The following ADGRA2 variants were observed in gnomAD, a reference collection of about 807,000 sequenced individuals.
ADGRA2 encodes the protein adhesion G protein-coupled receptor A2.
A neutral mutation model predicts 98.7 loss-of-function variants in ADGRA2; 61 were observed. The ratio of observed to expected loss-of-function variants is 0.62; its 90% CI spans 0.50 to 0.76. ADGRA2 has a LOEUF of 0.76. Among genes scored for constraint, ADGRA2 ranks in the 30% least tolerant of loss-of-function variants. The pLI is 0.00. For synonymous variants in ADGRA2, 858 were observed against 831.5 expected, an observed-to-expected ratio of 1.03 and a Z score of -0.55; for missense variants, 1,712 against 1,860.0, an observed-to-expected ratio of 0.92 and a Z score of 1.46.
intron 2 of ADGRA2, among the ~76,000 whole-genome samples, chr8:37,827,759 C>A (rs751617348): frequency 6.6e-6 from 1 of 152,224 alleles, no homozygotes; most frequent in Non-Finnish European, 1.5e-5. Flanking sequence ...CAGGCAGAGT[C>A]CACCTGGGCC....
intron 16 of ADGRA2, 83 bp from the exon 17 acceptor site, chr8:37,840,037 TG>T: frequency 7.6e-7 from 1 of 1,310,648 alleles, no homozygotes; most frequent in Non-Finnish European, 1.0e-6. Context: ...GCTGGAAGCC[TG>T]GGAGGACACC....
Position 37,822,415 on chromosome 8 carries a change from AT to A in ADGRA2, c.339-6472del, listed in dbSNP as rs1563344169. Among the ~76,000 whole-genome samples, 408 of 146,934 alleles carry A rather than the reference AT, an allele frequency of 2.8e-3. 1 individual carries two copies. The highest frequency in any genetic ancestry group is 0.01 in the African/African-American group (390 of 37,184). ...CACACACACACACACACACAGTCACATGCTCTTTAACTCACATGCTCTTTAA... is the reference window on the plus strand; with the variant it reads ...CACACACACACACACACACAGTCACAGCTCTTTAACTCACATGCTCTTTAA... On this transcript the variant is annotated intron_variant, in intron 2 of 18. Coordinates refer to ENST00000412232, the MANE Select transcript of ADGRA2 (RefSeq NM_032777.10).
intron 2 of ADGRA2, among the ~76,000 whole-genome samples, chr8:37,825,389 G>A (rs987748031): frequency 1.3e-5 from 2 of 151,114 alleles, no homozygotes; most frequent in East Asian, 1.9e-4. Context: ...AATTACAGGC[G>A]CCCACCCCCA....
rs754254770 is a variant in ADGRA2, at chr8:37,829,944, G to A, written c.648G>A (p.Thr216=). 5.6e-6 allele frequency: 9 copies of A among 1,610,680 alleles called. No individual in the cohort carries two copies. The highest frequency in any genetic ancestry group is 4.4e-5 in the South Asian group (4 of 91,024). Residue 216 remains threonine, a synonymous_variant, in exon 6 of 19, where the codon ACG becomes ACA. Coordinates refer to ENST00000412232, the MANE Select transcript of ADGRA2 (RefSeq NM_032777.10). ...QNRSLQLSEH[T]LCAYPSALHA... is the part of the protein sequence containing the mutation. Reference sequence around the variant, plus strand: ...GCTCCCTGCAGCTGTCGGAACACACGCTCTGTGCTTACCCCAGTGCCCTGC... The same window carrying A: ...GCTCCCTGCAGCTGTCGGAACACACACTCTGTGCTTACCCCAGTGCCCTGC...
chr8:37,816,963 CACACACACACACAT>C (rs1033262643), intron 2 of ADGRA2, among the ~76,000 whole-genome samples: 2 of 129,240 alleles, frequency 1.5e-5, no homozygotes, highest in African/African-American at 5.9e-5. Flanking sequence ...CACACACACA[CACACACACACACAT>C]AGATTAGGGC....
intron 13 of ADGRA2, among the ~76,000 whole-genome samples, chr8:37,837,034 G>A (rs191617086): frequency 7.9e-5 from 12 of 152,300 alleles, no homozygotes; most frequent in South Asian, 2.1e-4. Context: ...TGGACAAGTC[G>A]TTGTAAGTGC....
rs778571229 is a variant in ADGRA2 at position 37,840,772 on chromosome 8, C to T, written c.2670C>T (p.Ile890=). The change falls in exon 18 of 19, where the codon ATC becomes ATT. Residue 890 remains isoleucine (I), a synonymous_variant. Coordinates refer to ENST00000412232, the MANE Select transcript of ADGRA2 (RefSeq NM_032777.10). ...TCATTCCCTCCAGGTTCTATTTGAT[C>T]GCTGGAGGGATTCCACTCATTATCT... ...TPSPMLRFYL[I]AGGIPLIICG... 1.7e-5 allele frequency: 27 copies of T among 1,592,036 alleles called. No homozygotes were observed. The East Asian group carries it at 3.8e-4, about 22-fold the overall frequency.
Position 37,830,610 on chromosome 8 carries a change from G to GGCCCC in ADGRA2, c.719-100_719-99insGCCCC. The GGCCCC allele has an allele frequency of 3.4e-6, 2 of 579,886 alleles. No individual in the cohort carries two copies. The highest frequency in any genetic ancestry group is 6.3e-6 in the Non-Finnish European group (2 of 315,942). The allele number at this position is 579,886 out of a possible 1,614,324, so 35.9% of individuals were successfully genotyped here. A position where few individuals can be genotyped will look rare whatever the true frequency, so the allele number is the denominator to read the frequency against. On this transcript the variant is annotated intron_variant, in intron 6 of 18. Coordinates refer to ENST00000412232, the MANE Select transcript of ADGRA2 (RefSeq NM_032777.10). This position sits in a 1 kb window ranked among gnomAD's most constrained non-coding sequence, Gnocchi z 4.8. ...AGCTGGAGCAGGCTGCAGGCCGAGG[G>GGCCCC]CCCCGCCCCGCCCCACCCCATCCTG... is the stretch of plus-strand genomic sequence containing the variant.
At position 37,844,627 on chromosome 8, in the gene ADGRA2, C is replaced by T. The variant is rs905173616; in HGVS notation, c.*2272C>T. 1.9e-6 allele frequency: 3 copies of T among 1,614,002 alleles called. No homozygotes were observed. In the African/African-American group the frequency reaches 4.0e-5, roughly 22 times the overall value. On this transcript the variant is annotated 3_prime_UTR_variant, in exon 19 of 19. Transcript: ENST00000412232. ...TTCTCATCTCCAGTGACAGTGGAGA[C>T]AGGGGGTACAGGGCAGATCCGCTTC...
Position 37,841,803 on chromosome 8 carries a change from G to A in ADGRA2, c.3465G>A (p.Gly1155=). 1 of 1,531,704 alleles carries A rather than the reference G, an allele frequency of 6.5e-7. No homozygotes were observed. Among genetic ancestry groups the A allele is most frequent in the South Asian group, 1.2e-5 (1 of 83,562 alleles). The allele number at this position is 1,531,704 out of a possible 1,614,324, so 94.9% of individuals were successfully genotyped here. Residue 1155 remains glycine (G), a synonymous_variant, in exon 19 of 19, where the codon GGG becomes GGA. Transcript: ENST00000412232. The surrounding 1 kb of genome is among the most constrained non-coding windows in gnomAD (Gnocchi z 5.0). ...GCGAGGCGGGGGCGGCGGCCGGCGG[G>A]GAAGGAGAGCCGGAGCCGGCGGGCA... ...QVCEAGAAAG[G]EGEPEPAGTR...
At position 37,834,439 on chromosome 8, in the gene ADGRA2, G is replaced by T. The variant is rs927363038; in HGVS notation, c.1608+311G>T. On this transcript the variant is annotated intron_variant, in intron 11 of 18. Transcript: ENST00000412232. This position sits in a 1 kb window ranked among gnomAD's most constrained non-coding sequence, Gnocchi z 4.2. ...TGGTGGCAGGGCAGACAGCACTCGG[G>T]ATTGAGTGAAGAGTAATGGAAGTTC... Among the ~76,000 whole-genome samples the T allele has an allele frequency of 6.6e-6, 1 of 152,240 alleles. No individual in the cohort carries two copies. Among genetic ancestry groups the T allele is most frequent in the Non-Finnish European group, 1.5e-5 (1 of 68,046 alleles).
At chr8:37,839,903 G>C (rs1563354000) in intron 16 of ADGRA2, among the ~76,000 whole-genome samples, 1 of 152,160 alleles carries the variant, frequency 6.6e-6, no homozygotes, top group African/African-American at 2.4e-5. Flanking sequence ...GCCATATCAG[G>C]GTCATGGGAA....
chr8:37,840,327 C>T, intron 17 of ADGRA2, 61 bp downstream of exon 17: 2 of 1,569,526 alleles, frequency 1.3e-6, no homozygotes, highest in Non-Finnish European at 1.7e-6. Context: ...GCGTAGGAAA[C>T]CTCCCAAGGT....
rs1804527804 is a variant in ADGRA2 at position 37,802,169 on chromosome 8, T to C, written c.266+4635T>C. On this transcript the variant is annotated intron_variant, in intron 1 of 18. Coordinates refer to ENST00000412232, the MANE Select transcript of ADGRA2 (RefSeq NM_032777.10). This position sits in a 1 kb window ranked among gnomAD's most constrained non-coding sequence, Gnocchi z 4.7. ...TGGTTCTTGAGCACAGGTCTCCCTC[T>C]GGACCTCCAGCTGCTGGCTGGGACT... 6.6e-6 allele frequency among the ~76,000 whole-genome samples: 1 copy of C among 152,218 alleles called. No homozygotes were observed. The highest frequency in any genetic ancestry group is 6.5e-5 in the Admixed American group (1 of 15,286).
At position 37,839,026 on chromosome 8, in the gene ADGRA2, C is replaced by T. The variant is rs758313655; in HGVS notation, c.2330C>T (p.Thr777Met). Residue 777 changes from threonine (T) to methionine (M), a missense_variant, in exon 15 of 19, where the codon ACG becomes ATG. Coordinates refer to ENST00000412232, the MANE Select transcript of ADGRA2 (RefSeq NM_032777.10). ...AGLHPVVYPC[T>M]ALLLLCLFAT... is the part of the protein sequence containing the mutation. ...CTGCACCCCGTGGTATACCCCTGCA[C>T]GGCCTTGCTGCTGCTCTGCCTCTTC... The T allele has an allele frequency of 6.7e-5, 107 of 1,606,600 alleles. No individual in the cohort carries two copies. Among genetic ancestry groups the T allele is most frequent in the Admixed American group, 4.7e-4 (28 of 59,422 alleles).
At position 37,844,745 on chromosome 8, in the gene ADGRA2, T is replaced by C. The variant is rs760394940; in HGVS notation, c.*2390T>C. 4.3e-6 allele frequency: 7 copies of C among 1,614,060 alleles called. No individual in the cohort carries two copies. In the South Asian group the frequency reaches 6.6e-5, roughly 15 times the overall value. ...CTAAGGAATTATTTCCCACCTCCCCTTCTCCTTGCCCCTGTCCCCACCCCG... is the reference window on the plus strand; with the variant it reads ...CTAAGGAATTATTTCCCACCTCCCCCTCTCCTTGCCCCTGTCCCCACCCCG... On this transcript the variant is annotated 3_prime_UTR_variant, in exon 19 of 19. Coordinates refer to ENST00000412232, the MANE Select transcript of ADGRA2 (RefSeq NM_032777.10).
Position 37,830,610 on chromosome 8 carries a change from G to GCCCCCCCCCCCCCCCCCCCCCC in ADGRA2, c.719-96_719-95insCCCCCCCCCCCCCCCCCCCCCC. The stretch of plus-strand genomic sequence containing the variant: ...AGCTGGAGCAGGCTGCAGGCCGAGG[G>GCCCCCCCCCCCCCCCCCCCCCC]CCCCGCCCCGCCCCACCCCATCCTG... On this transcript the variant is annotated intron_variant, in intron 6 of 18. Coordinates refer to ENST00000412232, the MANE Select transcript of ADGRA2 (RefSeq NM_032777.10). The surrounding 1 kb of genome is among the most constrained non-coding windows in gnomAD (Gnocchi z 4.8). 1 of 579,886 alleles carries GCCCCCCCCCCCCCCCCCCCCCC rather than the reference G, an allele frequency of 1.7e-6. No individual in the cohort carries two copies. The highest frequency in any genetic ancestry group is 3.2e-5 in the East Asian group (1 of 31,242). 35.9% of individuals were successfully genotyped at this position (579,886 alleles called of 1,614,324 possible).
rs772766208 is a variant in ADGRA2 at position 37,844,825 on chromosome 8, G to A, written c.*2470G>A. ...GCTGTCCCATCCCGAAAGGCAGAGCGGACCAGTGACTGGCGGTGCTGGAGA... is the reference window on the plus strand; with the variant it reads ...GCTGTCCCATCCCGAAAGGCAGAGCAGACCAGTGACTGGCGGTGCTGGAGA... On this transcript the variant is annotated 3_prime_UTR_variant, in exon 19 of 19. Coordinates refer to ENST00000412232, the MANE Select transcript of ADGRA2 (RefSeq NM_032777.10). 2.4e-5 allele frequency: 39 copies of A among 1,613,974 alleles called. No individual in the cohort carries two copies. The highest frequency in any genetic ancestry group is 2.2e-4 in the Admixed American group (13 of 60,006).
rs1563354779 is a variant in ADGRA2 at position 37,841,202 on chromosome 8, C to A, written c.2864C>A (p.Ala955Glu). Reference protein sequence around the residue: ...CAGLRLRGPLAQNPKAGNSRA... With the variant: ...CAGLRLRGPLEQNPKAGNSRA... ...GGGCTACGCTTACGGGGTCCTCTGG[C>A]ACAGAACCCCAAGGCGGGCAACAGC... The change falls in exon 19 of 19, where the codon GCA (alanine) becomes GAA (glutamate). Residue 955 changes from alanine to glutamate, a missense_variant. Physicochemically the swap from Ala to Glu is moderately radical, Grantham distance 107. Coordinates refer to ENST00000412232, the MANE Select transcript of ADGRA2 (RefSeq NM_032777.10). This position sits in a 1 kb window ranked among gnomAD's most constrained non-coding sequence, Gnocchi z 5.0. The A allele has an allele frequency of 6.2e-7, 1 of 1,613,534 alleles. No homozygotes were observed. The highest frequency in any genetic ancestry group is 1.7e-5 in the Admixed American group (1 of 60,034).
Sources: gnomAD v4.1 joint callset for allele counts (sites outside exome capture counted in the v4.1 genomes callset) on GRCh38, gnomAD v4.1.1 for gene constraint, Gnocchi (gnomAD v3.1) non-coding constraint, MANE v1.5 for transcripts, NCBI Gene and HGNC (gene_info 2026-07-23, HGNC 2026-07-21) for gene names.